DUSP16: variants seen among roughly 807,000 people sequenced by gnomAD.
The protein encoded by DUSP16 is dual specificity protein phosphatase 16.
A neutral mutation model predicts 58.3 loss-of-function variants in DUSP16; 21 were observed. The ratio of observed to expected loss-of-function variants is 0.36; its 90% CI spans 0.26 to 0.52. The LOEUF (loss-of-function observed/expected upper bound fraction) is 0.52. Ranked by LOEUF, DUSP16 falls within the 20% of genes least tolerant of loss-of-function variation. The pLI is 0.94. For missense variants in DUSP16, 726 were observed against 819.0 expected, an observed-to-expected ratio of 0.89 and a Z score of 1.39; for synonymous variants, 320 against 323.8, an observed-to-expected ratio of 0.99 and a Z score of 0.12.
intron 1 of DUSP16, among the ~76,000 whole-genome samples, chr12:12,530,032 A>G (rs10743990): frequency 0.57 from 86,928 of 152,044 alleles, 25,096 homozygotes; most frequent in East Asian, 0.66. Flanking sequence ...TTACTCAGTA[A>G]TGGGATTGCT....
At chr12:12,529,292 T>C (rs1944348936) in intron 1 of DUSP16, among the ~76,000 whole-genome samples, 1 of 152,018 alleles carries the variant, frequency 6.6e-6, no homozygotes. Context: ...TTATTTCTTG[T>C]AGAGACGGGG....
In DUSP16 at chr12:12,487,092, C is replaced by T; in HGVS notation, c.627G>A (p.Val209=). ...TCTCACAAAAGCTGTCATTCACAGG[C>T]ACACGCAGGAAATGAGACTCGGGGA... ...DFIPESHFLR[V]PVNDSFCEKI... The change falls in exon 5 of 7, where the codon GTG becomes GTA. Residue 209 remains valine, a synonymous_variant. Coordinates refer to ENST00000298573, the MANE Select transcript of DUSP16 (RefSeq NM_030640.3). 6.2e-7 allele frequency: 1 copy of T among 1,614,160 alleles called. No individual in the cohort carries two copies. Among genetic ancestry groups the T allele is most frequent in the Non-Finnish European group, 8.5e-7 (1 of 1,180,026 alleles).
At chr12:12,486,942 CTA>C in intron 5 of DUSP16, 84 bp downstream of exon 5, 1 of 1,510,950 alleles carries the variant, frequency 6.6e-7, no homozygotes, top group South Asian at 1.2e-5. Context: ...CTCCTTTTCT[CTA>C]AAGAAAAAAT....
In DUSP16 at chr12:12,477,250, G is replaced by A. The variant is rs775144332; in HGVS notation, c.1581C>T (p.His527=). 2 of 1,614,252 alleles carry A rather than the reference G, an allele frequency of 1.2e-6. No individual in the cohort carries two copies. The highest frequency in any genetic ancestry group is 1.1e-5 in the South Asian group (1 of 91,090). ...FLFGLSTSQQ[H]LTKSAGLGLK... ...GGCCCAGGCCAGCAGACTTCGTGAG[G>A]TGCTGCTGGCTGGTGGAAAGGCCGA... Residue 527 remains histidine, a synonymous_variant, in exon 7 of 7, where the codon CAC becomes CAT. Transcript: ENST00000298573. The surrounding 1 kb of genome is among the most constrained non-coding windows in gnomAD (Gnocchi z 4.1).
At chr12:12,547,650 A>G (rs1944666134) in intron 1 of DUSP16, among the ~76,000 whole-genome samples, 1 of 152,022 alleles carries the variant, frequency 6.6e-6, no homozygotes, top group Non-Finnish European at 1.5e-5. Context: ...CAGCATTAAA[A>G]AAACAAATAT....
At chr12:12,498,426 A>ATTTT (rs1385845578) in intron 4 of DUSP16, among the ~76,000 whole-genome samples, 2 of 150,710 alleles carry the variant, frequency 1.3e-5, no homozygotes, top group East Asian at 3.9e-4. Flanking sequence ...TTATTTATTT[A>ATTTT]TTTTTTGAGA....
In DUSP16 at chr12:12,481,924, TAAG is replaced by T. The variant is rs1370814409; in HGVS notation, c.692-1581_692-1579del. On this transcript the variant is annotated intron_variant, in intron 5 of 6. Coordinates refer to ENST00000298573, the MANE Select transcript of DUSP16 (RefSeq NM_030640.3). Reference sequence around the variant, plus strand: ...AGCTAAGGTTTCTACTCAATTTCAATAAGAAGTAGCAATTCAGACTTTTTGTCA... The same window carrying T: ...AGCTAAGGTTTCTACTCAATTTCAATAAGTAGCAATTCAGACTTTTTGTCA... 5.3e-5 allele frequency among the ~76,000 whole-genome samples: 8 copies of T among 152,328 alleles called. No individual in the cohort carries two copies. In the South Asian group the frequency reaches 6.2e-4, roughly 12 times the overall value.
At chr12:12,534,452 C>G (rs1944437496) in intron 1 of DUSP16, among the ~76,000 whole-genome samples, 1 of 152,196 alleles carries the variant, frequency 6.6e-6, no homozygotes, top group Non-Finnish European at 1.5e-5. Flanking sequence ...CATTCTCTGT[C>G]CTCATCCCTT....
intron 3 of DUSP16, among the ~76,000 whole-genome samples, chr12:12,500,998 A>T (rs1485469909): frequency 6.6e-6 from 1 of 152,178 alleles, no homozygotes; most frequent in Non-Finnish European, 1.5e-5. Flanking sequence ...TTTTTTTGTA[A>T]AACATAAAGA....
Position 12,477,664 on chromosome 12 carries a change from C to T in DUSP16, c.1167G>A (p.Arg389=). 6.2e-7 allele frequency: 1 copy of T among 1,614,114 alleles called. No individual in the cohort carries two copies. Among genetic ancestry groups the T allele is most frequent in the Non-Finnish European group, 8.5e-7 (1 of 1,179,990 alleles). ...ALSGLHLSAD[R]LEDSNKLKRS... Reference sequence around the variant, plus strand: ...GCTTGAGCTTATTGCTGTCTTCCAGCCTGTCTGCGGACAGGTGCAGCCCAC... The same window carrying T: ...GCTTGAGCTTATTGCTGTCTTCCAGTCTGTCTGCGGACAGGTGCAGCCCAC... Residue 389 remains arginine (R), a synonymous_variant, in exon 7 of 7, where the codon AGG becomes AGA. Coordinates refer to ENST00000298573, the MANE Select transcript of DUSP16 (RefSeq NM_030640.3). The surrounding 1 kb of genome is among the most constrained non-coding windows in gnomAD (Gnocchi z 4.1).
intron 1 of DUSP16, among the ~76,000 whole-genome samples, chr12:12,524,679 A>G (rs11830917): frequency 0.14 from 21,261 of 152,244 alleles, 1,579 homozygotes; most frequent in Middle Eastern, 0.17. Context: ...ACAATGAACC[A>G]CAAAGGCTCA....
intron 1 of DUSP16, among the ~76,000 whole-genome samples, chr12:12,550,688 C>A (rs1050885444): frequency 8.6e-5 from 13 of 151,928 alleles, no homozygotes; most frequent in Admixed American, 7.9e-4. Flanking sequence ...GGGAGGGGAA[C>A]ATCACACGCT....
chr12:12,544,108 G>T (rs1476041241), intron 1 of DUSP16, among the ~76,000 whole-genome samples: 1 of 152,004 alleles, frequency 6.6e-6, no homozygotes, highest in Admixed American at 6.6e-5. Context: ...TCAAGAAATA[G>T]AAACCCACCT....
intron 4 of DUSP16, among the ~76,000 whole-genome samples, chr12:12,496,043 T>A (rs918629295): frequency 7.2e-5 from 11 of 152,312 alleles, no homozygotes; most frequent in Non-Finnish European, 1.0e-4. Flanking sequence ...TGAAGTGATA[T>A]GGCTGGTAAG....
At chr12:12,486,457 T>C (rs139144512) in intron 5 of DUSP16, among the ~76,000 whole-genome samples, 203 of 150,300 alleles carry the variant, frequency 1.4e-3, no homozygotes, top group African/African-American at 3.7e-3. Flanking sequence ...GTCAAGACCA[T>C]TGCCAGGAAA....
intron 4 of DUSP16, among the ~76,000 whole-genome samples, chr12:12,489,059 A>G (rs1367553691): frequency 6.6e-6 from 1 of 152,216 alleles, no homozygotes; most frequent in Non-Finnish European, 1.5e-5. Context: ...CAGCCTGGGC[A>G]ACAAGAGCAA....
chr12:12,489,002 C>A (rs1348602434), intron 4 of DUSP16, among the ~76,000 whole-genome samples: 1 of 152,214 alleles, frequency 6.6e-6, no homozygotes, highest in Non-Finnish European at 1.5e-5. Context: ...ATCGCTTGAA[C>A]TCAGGAGGCA....
At chr12:12,561,742 C>G (rs993016240) in intron 1 of DUSP16, among the ~76,000 whole-genome samples, 1 of 152,040 alleles carries the variant, frequency 6.6e-6, no homozygotes, top group Non-Finnish European at 1.5e-5. Flanking sequence ...CAGCTTCGCC[C>G]GCAAAGGTGC....
intron 1 of DUSP16, among the ~76,000 whole-genome samples, chr12:12,543,121 G>T (rs1344470180): frequency 6.6e-6 from 1 of 152,150 alleles, no homozygotes; most frequent in Non-Finnish European, 1.5e-5. Flanking sequence ...AGCAACCCAA[G>T]CAAACTAAGA....
Sources: allele counts gnomAD v4.1 joint callset (sites outside exome capture counted in the v4.1 genomes callset), GRCh38; gene constraint gnomAD v4.1.1; non-coding constraint Gnocchi (gnomAD v3.1); transcripts MANE v1.5; gene names NCBI Gene and HGNC (gene_info 2026-07-23, HGNC 2026-07-21).